IGSF1: variants seen among roughly 807,000 people sequenced by gnomAD.
IGSF1 encodes the protein immunoglobulin-like domain-containing protein 1.
IGSF1 carries 40 observed loss-of-function variants against 95.3 expected under a neutral mutation model. The observed-to-expected ratio is 0.42, with a 90% confidence interval of 0.33 to 0.55. The LOEUF (loss-of-function observed/expected upper bound fraction) is 0.55. IGSF1 is among the 20% of genes least tolerant of loss of function. The pLI is 0.10. For missense variants in IGSF1, 906 were observed against 1,025.4 expected (o/e 0.88, Z 1.59); for synonymous variants, 372 against 382.9 (o/e 0.97, Z 0.33).
chrX:131,287,549 A>T (rs1397977560), intron 1 of IGSF1, among the ~76,000 whole-genome samples: 1 of 111,290 alleles, frequency 9.0e-6, no homozygotes, highest in Non-Finnish European at 1.9e-5. Flanking sequence ...TTAGAAAATC[A>T]AGCTGCTTGA....
At position 131,281,258 on chromosome X, in the gene IGSF1, C is replaced by T; in HGVS notation, c.1606G>A (p.Val536Met). 1 of 1,210,769 alleles carries T rather than the reference C, an allele frequency of 8.3e-7. No homozygotes were observed. Residue 536 changes from valine (V) to methionine (M), a missense_variant, in exon 9 of 20, where the codon GTG (valine) becomes ATG (methionine). Around this residue, in one of 5 missense-constraint regions of IGSF1, gnomAD observed 442 missense variants for 448.1 expected, o/e 0.99. Coordinates refer to ENST00000361420, the MANE Select transcript of IGSF1 (RefSeq NM_001555.5). Reference sequence around the variant, plus strand: ...CGACACTTCCACCTTATCCACAGCACTACCAACAGCAAGGCAACAAGCTGC... The same window carrying T: ...CGACACTTCCACCTTATCCACAGCATTACCAACAGCAAGGCAACAAGCTGC... Reference protein sequence around the residue: ...IMQLVALLLVVLWIRWKCRRL... With the variant: ...IMQLVALLLVMLWIRWKCRRL...
intron 16 of IGSF1, 24 bp from the exon 17 acceptor site, chrX:131,275,310 AAAGAG>A (rs1454979545): frequency 8.3e-7 from 1 of 1,200,837 alleles, no homozygotes; most frequent in Non-Finnish European, 1.1e-6. Context: ...ACTCCTGGTC[AAAGAG>A]AAGAGGTCAC....
intron 9 of IGSF1, among the ~76,000 whole-genome samples, chrX:131,280,193 T>A (rs1234743553): frequency 9.2e-6 from 1 of 109,074 alleles, no homozygotes; most frequent in Non-Finnish European, 1.9e-5. Context: ...CTCTAATGAG[T>A]ACGGGACCCA....
chrX:131,280,955 G>T (rs1051729640), intron 9 of IGSF1: 8 of 266,178 alleles, frequency 3.0e-5, no homozygotes, highest in Non-Finnish European at 4.7e-5. Flanking sequence ...CGAGATTTGG[G>T]CACCCTCCGG....
chrX:131,275,298 G>T lies in IGSF1; in HGVS notation c.3185-12C>A. 6.6e-6 allele frequency: 8 copies of T among 1,207,473 alleles called. No individual in the cohort carries two copies. Among genetic ancestry groups the T allele is most frequent in the Non-Finnish European group, 9.0e-6 (8 of 892,012 alleles). On this transcript the variant is annotated splice_polypyrimidine_tract_variant and intron_variant, in intron 16 of 19. Coordinates refer to ENST00000361420, the MANE Select transcript of IGSF1 (RefSeq NM_001555.5). Reference sequence around the variant, plus strand: ...TTTGGGGAGTAAGCCTGGAAGAAATGAACTCCTGGTCAAAGAGAAGAGGTC... The same window carrying T: ...TTTGGGGAGTAAGCCTGGAAGAAATTAACTCCTGGTCAAAGAGAAGAGGTC...
Position 131,277,136 on chromosome X carries a change from T to C in IGSF1, c.2411A>G (p.Gln804Arg). The C allele has an allele frequency of 8.3e-7, 1 of 1,210,940 alleles. No homozygotes were observed. The highest frequency in any genetic ancestry group is 1.1e-6 in the Non-Finnish European group (1 of 894,922). The change falls in exon 14 of 20, where the codon CAG becomes CGG. Residue 804 changes from glutamine to arginine, a missense_variant. Transcript: ENST00000361420. ...TTTGTAAAGAATAAAGCTCATATGCTGGTGGGGGGTGGAGCAATTGAAAGT... is the reference window on the plus strand; with the variant it reads ...TTTGTAAAGAATAAAGCTCATATGCCGGTGGGGGGTGGAGCAATTGAAAGT... The part of the protein sequence containing the change: ...RVTFNCSTPH[Q>R]HMSFILYKDG...
intron 3 of IGSF1, 68 bp from the exon 4 acceptor site, chrX:131,286,116 A>G: frequency 2.0e-6 from 2 of 1,003,490 alleles, no homozygotes; most frequent in South Asian, 2.3e-5. Flanking sequence ...ATGTCCCACA[A>G]TGTCCCTTAA....
chrX:131,282,006 A>G (rs1365468774), intron 7 of IGSF1, 62 bp from the exon 8 acceptor site: 1 of 1,039,241 alleles, frequency 9.6e-7, no homozygotes, highest in African/African-American at 1.9e-5. Flanking sequence ...TCTCCCCCAG[A>G]AAATGTTTCT....
chrX:131,280,517 C>T (rs2080541974), intron 9 of IGSF1, among the ~76,000 whole-genome samples: 1 of 111,852 alleles, frequency 8.9e-6, no homozygotes, highest in South Asian at 3.8e-4. Context: ...TCTCCTTGTT[C>T]CCAGTAGAGT....
intron 5 of IGSF1, among the ~76,000 whole-genome samples, chrX:131,283,529 C>T (rs1946554997): frequency 8.9e-6 from 1 of 111,868 alleles, no homozygotes; most frequent in African/African-American, 3.3e-5. Flanking sequence ...ATCTATAATT[C>T]CCTGTATCTT....
Position 131,278,726 on chromosome X carries a change from A to C in IGSF1, c.1776T>G (p.Pro592=). 1 of 1,210,949 alleles carries C rather than the reference A, an allele frequency of 8.3e-7. No individual in the cohort carries two copies. The highest frequency in any genetic ancestry group is 1.1e-6 in the Non-Finnish European group (1 of 894,931). ...GAAAGTTGGTCTCTGCCCACAGCTC[A>C]GGCTTAGGGGTTGGCATGACTATTT... ...ETEIVMPTPK[P]ELWAETNFPL... is the part of the protein sequence containing the mutation. The change falls in exon 12 of 20, where the codon CCT becomes CCG. Residue 592 remains proline (P), a synonymous_variant. Transcript: ENST00000361420.
chrX:131,286,426 G>A lies in IGSF1; in HGVS notation c.97+11C>T. 8.4e-7 allele frequency: 1 copy of A among 1,189,551 alleles called. No homozygotes were observed. On this transcript the variant is annotated intron_variant, in intron 3 of 19. Transcript: ENST00000361420. ...AGGAAGGAGGTGCCTGAGAGGGCAG[G>A]ACTCACTTACCTATTGATGTCATAC...
At position 131,273,806 on chromosome X, in the gene IGSF1, A is replaced by G. The variant is rs1361539588; in HGVS notation, c.4001T>C (p.Val1334Ala). The G allele has an allele frequency of 1.7e-6, 2 of 1,206,524 alleles. No homozygotes were observed. The highest frequency in any genetic ancestry group is 1.1e-6 in the Non-Finnish European group (1 of 893,508). ...TSQRISVELP[V>A]PI is the part of the protein sequence containing the mutation. ...TAAAGGAGGAGATTATTATATTGGA[A>G]CGGGCAGTTCCACAGAGATTCTCTG... The change falls in exon 20 of 20, where the codon GTT becomes GCT. Residue 1334 changes from valine (V) to alanine (A), a missense_variant. Val to Ala is a moderately conservative substitution (Grantham distance 64). Transcript: ENST00000361420.
chrX:131,273,663 C>T lies in IGSF1; in HGVS notation c.*133G>A, dbSNP rs1262306826. 15 of 621,568 alleles carry T rather than the reference C, an allele frequency of 2.4e-5. No individual in the cohort carries two copies. Among genetic ancestry groups the T allele is most frequent in the Non-Finnish European group, 3.2e-5 (13 of 400,270 alleles). 51.2% of individuals were successfully genotyped at this position (621,568 alleles called of 1,213,427 possible). On this transcript the variant is annotated 3_prime_UTR_variant, in exon 20 of 20. Coordinates refer to ENST00000361420, the MANE Select transcript of IGSF1 (RefSeq NM_001555.5). ...TGGCAGAGCTCTCAACTCCCAGAAT[C>T]CCCTTTACCCAGCTCAGGTGATTAG...
At position 131,283,117 on chromosome X, in the gene IGSF1, T is replaced by C. The variant is rs752182033; in HGVS notation, c.815A>G (p.Lys272Arg). 1.3e-5 allele frequency: 16 copies of C among 1,211,452 alleles called. No homozygotes were observed. The highest frequency in any genetic ancestry group is 1.8e-5 in the Non-Finnish European group (16 of 895,105). ...VEDLEKSFYH[K>R]KTIKNEANFF... Reference sequence around the variant, plus strand: ...ATTTGCCTCATTTTTTATTGTCTTCTTGTGGTAAAAGGACTTCTCCAAGTC... The same window carrying C: ...ATTTGCCTCATTTTTTATTGTCTTCCTGTGGTAAAAGGACTTCTCCAAGTC... The change falls in exon 6 of 20, where the codon AAG (lysine) becomes AGG (arginine). Residue 272 changes from lysine (K) to arginine (R), a missense_variant. Lys to Arg is a conservative substitution (Grantham distance 26). This residue lies in a region of IGSF1 where 442 missense variants were observed against 448.1 expected (regional missense o/e 0.99). Coordinates refer to ENST00000361420, the MANE Select transcript of IGSF1 (RefSeq NM_001555.5).
Position 131,277,013 on chromosome X carries a change from C to T in IGSF1, c.2534G>A (p.Gly845Glu), listed in dbSNP as rs779870876. ...LIISVGIGDG[G>E]NYSCRYYDFS... is the part of the protein sequence containing the mutation. ...GTCATAATATCGGCAGCTGTAATTC[C>T]CTCCATCACCAATGCCCACCGAAAT... The change falls in exon 14 of 20, where the codon GGG becomes GAG. Residue 845 changes from glycine to glutamate, a missense_variant. Gly to Glu is a moderately conservative substitution (Grantham distance 98). Coordinates refer to ENST00000361420, the MANE Select transcript of IGSF1 (RefSeq NM_001555.5). 1 of 1,210,417 alleles carries T rather than the reference C, an allele frequency of 8.3e-7. No homozygotes were observed. Among genetic ancestry groups the T allele is most frequent in the Admixed American group, 2.2e-5 (1 of 45,946 alleles).
At chrX:131,288,696 T>A (rs779616013) in intron 1 of IGSF1, among the ~76,000 whole-genome samples, 13 of 110,811 alleles carry the variant, frequency 1.2e-4, no homozygotes, top group Non-Finnish European at 2.3e-4. Context: ...CGGGGGAACA[T>A]GAGAACAGCC....
chrX:131,279,516 A>AC (rs1247009206), intron 9 of IGSF1, among the ~76,000 whole-genome samples, 175 bp from the exon 10 acceptor site: 1 of 110,472 alleles, frequency 9.1e-6, no homozygotes, highest in Non-Finnish European at 1.9e-5. Flanking sequence ...TGAGGGCCTT[A>AC]CCACCTACAA....
chrX:131,274,705 G>A lies in IGSF1; in HGVS notation c.3645C>T (p.Asn1215=), dbSNP rs1215848628. ...FSEDGDFVIN[N]VEGKGIGNYS... Reference sequence around the variant, plus strand: ...AGTTTCCAATGCCTTTTCCTTCTACGTTGTTGATGACAAAGTCTCCATCCT... The same window carrying A: ...AGTTTCCAATGCCTTTTCCTTCTACATTGTTGATGACAAAGTCTCCATCCT... The change falls in exon 18 of 20, where the codon AAC becomes AAT. Residue 1215 remains asparagine, a synonymous_variant. Coordinates refer to ENST00000361420, the MANE Select transcript of IGSF1 (RefSeq NM_001555.5). The A allele has an allele frequency of 5.0e-6, 6 of 1,211,132 alleles. No individual in the cohort carries two copies. The highest frequency in any genetic ancestry group is 1.8e-5 in the South Asian group (1 of 56,949).
Sources: allele counts gnomAD v4.1 joint callset (sites outside exome capture counted in the v4.1 genomes callset), GRCh38; gene constraint gnomAD v4.1.1; regional missense constraint gnomAD v4.1.1; transcripts MANE v1.5; gene names NCBI Gene and HGNC (gene_info 2026-07-23, HGNC 2026-07-21).